DGKB: variants seen among roughly 807,000 people sequenced by gnomAD.
DGKB encodes 90 kDa diacylglycerol kinase.
DGKB carries 67 observed loss-of-function variants against 114.3 expected under a neutral mutation model. The ratio of observed to expected loss-of-function variants is 0.59; its 90% CI spans 0.48 to 0.72. The LOEUF (loss-of-function observed/expected upper bound fraction) is 0.72. Among genes scored for constraint, DGKB ranks in the 30% least tolerant of loss-of-function variants. The pLI, the probability that DGKB is intolerant of heterozygous loss-of-function variation, is 0.00. For missense variants in DGKB, 907 were observed against 975.2 expected (o/e 0.93, Z 0.93); for synonymous variants, 398 against 323.1 (o/e 1.23, Z -2.49).
At chr7:14,651,381 G>T (rs1179583211) in intron 13 of DGKB, among the ~76,000 whole-genome samples, 1 of 149,558 alleles carries the variant, frequency 6.7e-6, no homozygotes, top group Non-Finnish European at 1.5e-5. Context: ...CATATAAACA[G>T]AGCCAAAGAC....
chr7:14,674,736 C>T (rs1003813136), intron 12 of DGKB, among the ~76,000 whole-genome samples: 1 of 152,038 alleles, frequency 6.6e-6, no homozygotes, highest in Non-Finnish European at 1.5e-5. Context: ...CCTCTGATAA[C>T]ATAGGTCGAT....
chr7:14,575,919 C>T (rs150868771), intron 19 of DGKB, among the ~76,000 whole-genome samples: 7 of 152,222 alleles, frequency 4.6e-5, no homozygotes, highest in East Asian at 1.9e-4. Flanking sequence ...AAGAGGAATA[C>T]GTTACACTTA....
At chr7:14,159,549 CT>C (rs1208738379) in intron 25 of DGKB, among the ~76,000 whole-genome samples, 3 of 152,142 alleles carry the variant, frequency 2.0e-5, no homozygotes, top group Admixed American at 6.6e-5. Flanking sequence ...GAGATCATAT[CT>C]TTTTTTGGTT....
intron 21 of DGKB, among the ~76,000 whole-genome samples, chr7:14,376,966 C>T (rs1818587634): frequency 6.6e-6 from 1 of 152,168 alleles, no homozygotes; most frequent in Admixed American, 6.5e-5. Context: ...ACCCATACTG[C>T]AAGGCCACAT....
At chr7:14,477,036 C>T (rs1471751753) in intron 21 of DGKB, among the ~76,000 whole-genome samples, 2 of 152,086 alleles carry the variant, frequency 1.3e-5, no homozygotes, top group Non-Finnish European at 2.9e-5. Context: ...AGGCGTGAGC[C>T]ACCGTGCCCG....
At chr7:14,839,694 A>G (rs1286805968) in intron 2 of DGKB, among the ~76,000 whole-genome samples, 1 of 151,414 alleles carries the variant, frequency 6.6e-6, no homozygotes, top group Non-Finnish European at 1.5e-5. Flanking sequence ...AATATGATAA[A>G]TGCATATATT....
rs115303143 is a variant in DGKB, at chr7:14,561,421, G to A, written c.1770+12791C>T. Among the ~76,000 whole-genome samples the A allele has an allele frequency of 4.3e-3, 652 of 152,270 alleles. 4 individuals are homozygous for A. Among genetic ancestry groups the A allele is most frequent in the African/African-American group, 0.015 (633 of 41,542 alleles). On this transcript the variant is annotated intron_variant, in intron 20 of 25. Coordinates refer to ENST00000402815, the MANE Select transcript of DGKB (RefSeq NM_001350709.2). The stretch of plus-strand genomic sequence containing the variant: ...ACAGTAAATTGGTACCAAGAGTGGC[G>A]TGCTGTTTTAAAGATACCCCAAAAT...
chr7:14,295,769 A>G (rs12530600), intron 23 of DGKB, among the ~76,000 whole-genome samples: 131,683 of 152,038 alleles, frequency 0.87, 57,242 homozygotes, highest in African/African-American at 0.93. Context: ...GGTTTGCTAC[A>G]TAGGTATACA....
intron 23 of DGKB, among the ~76,000 whole-genome samples, chr7:14,316,512 G>C (rs1462073530): frequency 7.7e-6 from 1 of 129,692 alleles, no homozygotes; most frequent in East Asian, 2.2e-4. Context: ...ACACCTCTAC[G>C]CAAATAAACT....
At chr7:14,779,929 C>G (rs528743415) in intron 2 of DGKB, among the ~76,000 whole-genome samples, 1 of 152,304 alleles carries the variant, frequency 6.6e-6, no homozygotes, top group South Asian at 2.1e-4. Flanking sequence ...TCTCACCACT[C>G]TTTTTCCACC....
chr7:14,676,078 T>A (rs1482334039), intron 12 of DGKB, among the ~76,000 whole-genome samples: 3 of 152,162 alleles, frequency 2.0e-5, no homozygotes, highest in Non-Finnish European at 4.4e-5. Flanking sequence ...TAAAAGTGAA[T>A]ATCATCTTTG....
rs994049923 is a variant in DGKB, at chr7:14,146,809, T to C, written c.*2322A>G. 2.0e-5 allele frequency: 3 copies of C among 152,130 alleles called. No homozygotes were observed. The highest frequency in any genetic ancestry group is 4.1e-4 in the South Asian group (2 of 4,834). The allele number at this position is 152,130 out of a possible 1,614,324, so 9.4% of individuals were successfully genotyped here. A position where few individuals can be genotyped will look rare whatever the true frequency, so the allele number is the denominator to read the frequency against. Reference sequence around the variant, plus strand: ...CCACTATTAGCACTAATTGTAGTTATACAGCTACACTGAAGTGAAGCTGCA... The same window carrying C: ...CCACTATTAGCACTAATTGTAGTTACACAGCTACACTGAAGTGAAGCTGCA... On this transcript the variant is annotated 3_prime_UTR_variant, in exon 26 of 26. Coordinates refer to ENST00000402815, the MANE Select transcript of DGKB (RefSeq NM_001350709.2).
chr7:14,264,259 G>T (rs903265075), intron 23 of DGKB, among the ~76,000 whole-genome samples: 1 of 152,184 alleles, frequency 6.6e-6, no homozygotes, highest in Non-Finnish European at 1.5e-5. Flanking sequence ...ATAATTCACA[G>T]CTCTTCTTAG....
chr7:14,634,885 G>C (rs1810441511), intron 13 of DGKB, among the ~76,000 whole-genome samples: 1 of 151,248 alleles, frequency 6.6e-6, no homozygotes, highest in Non-Finnish European at 1.5e-5. Flanking sequence ...TGAATACAAT[G>C]CAAGTTTTAA....
chr7:14,157,327 A>AAAAAGC (rs1227311758), intron 25 of DGKB, among the ~76,000 whole-genome samples: 2 of 152,094 alleles, frequency 1.3e-5, no homozygotes, highest in Non-Finnish European at 1.5e-5. Context: ...ATAACTGCCA[A>AAAAAGC]AAAAGCAAAG....
chr7:14,726,332 G>GT (rs1405177215), intron 5 of DGKB, among the ~76,000 whole-genome samples: 11 of 151,852 alleles, frequency 7.2e-5, no homozygotes, highest in Admixed American at 7.2e-4. Flanking sequence ...TAGAGACGGG[G>GT]TTTTTTTATG....
intron 21 of DGKB, among the ~76,000 whole-genome samples, chr7:14,409,016 C>T (rs10226265): frequency 0.75 from 113,410 of 151,186 alleles, 43,114 homozygotes; most frequent in Middle Eastern, 0.83. Context: ...CATACACACA[C>T]GAACACTTGC....
intron 5 of DGKB, among the ~76,000 whole-genome samples, chr7:14,722,191 G>C (rs957271998): frequency 2.6e-5 from 4 of 152,106 alleles, no homozygotes; most frequent in Non-Finnish European, 5.9e-5. Context: ...GGTGTATAAT[G>C]AAGTGTCTAC....
intron 21 of DGKB, among the ~76,000 whole-genome samples, chr7:14,367,150 T>C (rs1031032036): frequency 2.0e-5 from 3 of 152,104 alleles, no homozygotes; most frequent in Non-Finnish European, 2.9e-5. Context: ...AAACAAATGA[T>C]AGTCTATAGT....
Sources: allele counts gnomAD v4.1 joint callset (sites outside exome capture counted in the v4.1 genomes callset), GRCh38; gene constraint gnomAD v4.1.1; transcripts MANE v1.5; gene names NCBI Gene and HGNC (gene_info 2026-07-23, HGNC 2026-07-21).